Variants in TGIF2 observed in about 807,000 individuals in gnomAD.
TGIF2 encodes homeobox protein TGIF2.
In TGIF2, 5 loss-of-function variants were observed where a neutral mutation model predicts 15.1. The ratio of observed to expected loss-of-function variants is 0.33; its 90% CI spans 0.17 to 0.70. The LOEUF is 0.70. Ranked by LOEUF, TGIF2 falls within the 30% of genes least tolerant of loss-of-function variation. The pLI, the probability that TGIF2 is intolerant of heterozygous loss-of-function variation, is 0.67. For synonymous variants in TGIF2, 131 were observed against 128.9 expected (o/e 1.02, Z -0.11); for missense variants, 264 against 302.5 (o/e 0.87, Z 0.94).
Position 36,591,672 on chromosome 20 carries a change from G to A in TGIF2, c.*241G>A. On this transcript the variant is annotated 3_prime_UTR_variant, in exon 3 of 3. Transcript: ENST00000373872. The surrounding 1 kb of genome is among the most constrained non-coding windows in gnomAD (Gnocchi z 5.3). The stretch of plus-strand genomic sequence containing the variant: ...TCAGTGATGAGACCAAGAGATCGGA[G>A]ACAAGCATGGTGCTGCTGCTTCTGC... 2.3e-6 allele frequency: 1 copy of A among 436,682 alleles called. No individual in the cohort carries two copies. Among genetic ancestry groups the A allele is most frequent in the Non-Finnish European group, 4.1e-6 (1 of 243,490 alleles). The allele number at this position is 436,682 out of a possible 1,614,324, so 27.1% of individuals were successfully genotyped here.
chr20:36,583,257 G>A (rs1276998659), intron 2 of TGIF2, among the ~76,000 whole-genome samples: 1 of 149,142 alleles, frequency 6.7e-6, no homozygotes, highest in Non-Finnish European at 1.5e-5. Flanking sequence ...CTGGGCAACA[G>A]CAAAACTGTC....
At chr20:36,589,033 C>A (rs981233274) in intron 2 of TGIF2, among the ~76,000 whole-genome samples, 2 of 152,144 alleles carry the variant, frequency 1.3e-5, no homozygotes, top group Non-Finnish European at 2.9e-5. Flanking sequence ...GAGAACCCCA[C>A]GGCCAGGGCC....
intron 2 of TGIF2, among the ~76,000 whole-genome samples, chr20:36,584,746 C>T (rs1163785091): frequency 3.3e-5 from 5 of 152,026 alleles, no homozygotes; most frequent in Admixed American, 6.6e-5. Flanking sequence ...AGGGTTTCAC[C>T]ATTTTGGCCA....
chr20:36,592,262 C>T lies in TGIF2; in HGVS notation c.*831C>T, dbSNP rs933507539. On this transcript the variant is annotated 3_prime_UTR_variant, in exon 3 of 3. Coordinates refer to ENST00000373872, the MANE Select transcript of TGIF2 (RefSeq NM_021809.7). ...ACAGCAGGGGGCAGTCCAGCAGACT[C>T]TGACTCAACTTTCTAGGCACCTAGC... 3 of 152,028 alleles carry T rather than the reference C, an allele frequency of 2.0e-5. No homozygotes were observed. Among genetic ancestry groups the T allele is most frequent in the African/African-American group, 7.2e-5 (3 of 41,380 alleles). 9.4% of individuals were successfully genotyped at this position (152,028 alleles called of 1,614,324 possible). A position where few individuals can be genotyped will look rare whatever the true frequency, so the allele number is the denominator to read the frequency against.
rs755621682 is a variant in TGIF2 at position 36,591,534 on chromosome 20, T to G, written c.*103T>G. ...TTTTCTATGGATCACTGCCAAACATTGGGATCATCTCCTCTGTCCAGAGGT... is the reference window on the plus strand; with the variant it reads ...TTTTCTATGGATCACTGCCAAACATGGGGATCATCTCCTCTGTCCAGAGGT... On this transcript the variant is annotated 3_prime_UTR_variant, in exon 3 of 3. Coordinates refer to ENST00000373872, the MANE Select transcript of TGIF2 (RefSeq NM_021809.7). The surrounding 1 kb of genome is among the most constrained non-coding windows in gnomAD (Gnocchi z 5.3). The G allele has an allele frequency of 7.8e-7, 1 of 1,289,202 alleles. No homozygotes were observed. The highest frequency in any genetic ancestry group is 1.4e-5 in the South Asian group (1 of 69,782). The allele number at this position is 1,289,202 out of a possible 1,614,324, so 79.9% of individuals were successfully genotyped here. A position where few individuals can be genotyped will look rare whatever the true frequency, so the allele number is the denominator to read the frequency against.
intron 1 of TGIF2, among the ~76,000 whole-genome samples, chr20:36,575,488 A>G (rs542271757): frequency 1.3e-5 from 2 of 152,292 alleles, no homozygotes; most frequent in African/African-American, 4.8e-5. Context: ...CTGAGCCCAG[A>G]TCCCAGCTGC....
At chr20:36,581,254 A>G (rs2038540700) in intron 2 of TGIF2, among the ~76,000 whole-genome samples, 1 of 152,176 alleles carries the variant, frequency 6.6e-6, no homozygotes, top group South Asian at 2.1e-4. Context: ...GGCATCTCAC[A>G]GTGTACCTCC....
chr20:36,583,188 A>G (rs2038580265), intron 2 of TGIF2, among the ~76,000 whole-genome samples: 1 of 151,982 alleles, frequency 6.6e-6, no homozygotes, highest in Non-Finnish European at 1.5e-5. Context: ...GCTAAGGTAC[A>G]AGAGTCACTT....
chr20:36,582,043 C>G (rs2038556944), intron 2 of TGIF2, among the ~76,000 whole-genome samples: 1 of 152,128 alleles, frequency 6.6e-6, no homozygotes, highest in South Asian at 2.1e-4. Context: ...CAAGACCAGC[C>G]TGACCAACAT....
chr20:36,583,211 C>T (rs976790537), intron 2 of TGIF2, among the ~76,000 whole-genome samples: 7 of 151,274 alleles, frequency 4.6e-5, no homozygotes, highest in Non-Finnish European at 1.0e-4. Flanking sequence ...ACCAGGAGGA[C>T]GAGACTGCAG....
intron 2 of TGIF2, among the ~76,000 whole-genome samples, chr20:36,586,796 A>G (rs2038669117): frequency 1.3e-5 from 2 of 150,462 alleles, no homozygotes. Context: ...TGGTGGTACC[A>G]TGATGTTTGG....
At chr20:36,582,341 G>GTA (rs1180408523) in intron 2 of TGIF2, among the ~76,000 whole-genome samples, 1 of 151,996 alleles carries the variant, frequency 6.6e-6, no homozygotes, top group South Asian at 2.1e-4. Flanking sequence ...ATAAAACTGG[G>GTA]TATATATATA....
intron 1 of TGIF2, among the ~76,000 whole-genome samples, chr20:36,576,348 A>T (rs1031144138): frequency 6.6e-6 from 1 of 152,192 alleles, no homozygotes; most frequent in Non-Finnish European, 1.5e-5. Context: ...GGCCTGACAA[A>T]GGAGAATGTC....
Position 36,591,167 on chromosome 20 carries a change from G to T in TGIF2, c.450G>T (p.Glu150Asp), listed in dbSNP as rs1353393850. The T allele has an allele frequency of 6.2e-7, 1 of 1,614,194 alleles. No homozygotes were observed. The highest frequency in any genetic ancestry group is 2.2e-5 in the East Asian group (1 of 44,884). Residue 150 changes from glutamate (E) to aspartate (D), a missense_variant, in exon 3 of 3, where the codon GAG (glutamate) becomes GAT (aspartate). Glu to Asp is a conservative substitution (Grantham distance 45). Coordinates refer to ENST00000373872, the MANE Select transcript of TGIF2 (RefSeq NM_021809.7). The surrounding 1 kb of genome is among the most constrained non-coding windows in gnomAD (Gnocchi z 5.3). ...EKPAAPFPRG[E>D]LESPKPLVTP... is the part of the protein sequence containing the mutation. ...CAGCAGCCCCTTTCCCACGTGGGGA[G>T]CTGGAGTCTCCCAAGCCCCTGGTGA... is the stretch of plus-strand genomic sequence containing the variant.
chr20:36,588,947 A>G (rs1364397359), intron 2 of TGIF2, among the ~76,000 whole-genome samples: 1 of 152,024 alleles, frequency 6.6e-6, no homozygotes, highest in Non-Finnish European at 1.5e-5. Flanking sequence ...GCTACCATTC[A>G]CCGGTTCCTT....
Position 36,577,733 on chromosome 20 carries a change from C to T in TGIF2, c.-34-1008C>T, listed in dbSNP as rs530023501. On this transcript the variant is annotated intron_variant, in intron 1 of 2. Coordinates refer to ENST00000373872, the MANE Select transcript of TGIF2 (RefSeq NM_021809.7). ...GTTTCACCCTGTTGGCCAGGATGGTCTCAATCTCTTGACCTCGTGATCTGC... is the reference window on the plus strand; with the variant it reads ...GTTTCACCCTGTTGGCCAGGATGGTTTCAATCTCTTGACCTCGTGATCTGC... Among the ~76,000 whole-genome samples, 6 of 152,054 alleles carry T rather than the reference C, an allele frequency of 3.9e-5. No homozygotes were observed. In the South Asian group the frequency reaches 1.2e-3, roughly 32 times the overall value.
intron 1 of TGIF2, among the ~76,000 whole-genome samples, chr20:36,574,072 G>A (rs1466455189): frequency 6.6e-6 from 1 of 151,468 alleles, no homozygotes; most frequent in Non-Finnish European, 1.5e-5. Context: ...CGCGCGGGGG[G>A]ACGGATTTGT....
chr20:36,575,819 G>A (rs6101337), intron 1 of TGIF2, among the ~76,000 whole-genome samples: 3 of 152,142 alleles, frequency 2.0e-5, no homozygotes, highest in Admixed American at 6.5e-5. Context: ...CTGGCTGGGC[G>A]GGGTGGCTCA....
At chr20:36,576,568 C>T (rs1357120070) in intron 1 of TGIF2, among the ~76,000 whole-genome samples, 2 of 152,112 alleles carry the variant, frequency 1.3e-5, no homozygotes, top group African/African-American at 4.8e-5. Flanking sequence ...ACTTCACTAT[C>T]CTAACCTGGG....
Sources: gnomAD v4.1 joint callset for allele counts (sites outside exome capture counted in the v4.1 genomes callset) on GRCh38, gnomAD v4.1.1 for gene constraint, Gnocchi (gnomAD v3.1) non-coding constraint, MANE v1.5 for transcripts, NCBI Gene and HGNC (gene_info 2026-07-23, HGNC 2026-07-21) for gene names.